The following AFAP1 variants were observed in gnomAD, a reference collection of about 807,000 sequenced individuals.
AFAP1 encodes actin filament-associated protein 1.
Under a neutral mutation model 93.9 loss-of-function variants are expected in AFAP1, and 75 were observed. The ratio of observed to expected loss-of-function variants is 0.80; its 90% confidence interval spans 0.66 to 0.97. The LOEUF (loss-of-function observed/expected upper bound fraction) is 0.97, where lower values mean the gene tolerates loss of function less well. Among genes scored for constraint, AFAP1 ranks in the 50% least tolerant of loss-of-function variants. AFAP1 has a pLI of 0.00. For synonymous variants in AFAP1, 517 were observed against 430.7 expected (o/e 1.20, Z -2.48); for missense variants, 1,201 against 1,050.8 (o/e 1.14, Z -1.98).
At chr4:7,795,111 T>G (rs1222499157) in intron 10 of AFAP1, among the ~76,000 whole-genome samples, 1 of 152,206 alleles carries the variant, frequency 6.6e-6, no homozygotes, top group Non-Finnish European at 1.5e-5. Context: ...TTGTAAATAT[T>G]CCATGCAATG....
chr4:7,899,230 C>A (rs534732955), intron 1 of AFAP1, among the ~76,000 whole-genome samples: 1 of 151,988 alleles, frequency 6.6e-6, no homozygotes, highest in Non-Finnish European at 1.5e-5. Flanking sequence ...CACCTATAGG[C>A]GCCCCCACTG....
At chr4:7,846,353 A>G (rs1263574569) in intron 4 of AFAP1, among the ~76,000 whole-genome samples, 2 of 152,230 alleles carry the variant, frequency 1.3e-5, no homozygotes, top group Non-Finnish European at 2.9e-5. Flanking sequence ...GGCTAGAACA[A>G]GGGTATGTGG....
intron 14 of AFAP1, chr4:7,777,594 G>C (rs959290088): frequency 2.0e-5 from 3 of 152,186 alleles, no homozygotes; most frequent in African/African-American, 7.2e-5. Context: ...TTACCACCTG[G>C]GGCTAGCTGG....
chr4:7,920,993 T>A (rs1227175873), intron 1 of AFAP1, among the ~76,000 whole-genome samples: 1 of 151,512 alleles, frequency 6.6e-6, no homozygotes, highest in Non-Finnish European at 1.5e-5. Context: ...TAGGTATACC[T>A]ATATATCCAT....
chr4:7,780,002 T>C (rs147748417), intron 13 of AFAP1, among the ~76,000 whole-genome samples: 1 of 152,312 alleles, frequency 6.6e-6, no homozygotes, highest in East Asian at 1.9e-4. Context: ...ATCAAATGAT[T>C]CCCAACCAAT....
At chr4:7,855,327 A>G (rs1188061998) in intron 4 of AFAP1, 139 bp downstream of exon 4, 3 of 638,584 alleles carry the variant, frequency 4.7e-6, no homozygotes, top group South Asian at 4.1e-5. Flanking sequence ...TGTACTGACA[A>G]TCTCTTTGGG....
At chr4:7,930,366 GCCA>G (rs1720997208) in intron 1 of AFAP1, among the ~76,000 whole-genome samples, 1 of 2,388 alleles carries the variant, frequency 4.2e-4, no homozygotes, top group Admixed American at 7.4e-3. Flanking sequence ...TAAGTCATTG[GCCA>G]CCGGTGGCTA....
At chr4:7,824,421 G>A (rs1372211532) in intron 6 of AFAP1, among the ~76,000 whole-genome samples, 1 of 91,520 alleles carries the variant, frequency 1.1e-5, no homozygotes, top group Non-Finnish European at 2.2e-5. Flanking sequence ...TTCAGCATTT[G>A]TGTACACACA....
intron 6 of AFAP1, among the ~76,000 whole-genome samples, chr4:7,826,604 GAGATCTTC>G (rs1183809598): frequency 1.3e-5 from 2 of 152,252 alleles, no homozygotes; most frequent in Non-Finnish European, 1.5e-5. Context: ...GCACACAAAA[GAGATCTTC>G]AGATTTTCAC....
chr4:7,917,930 G>A lies in AFAP1; in HGVS notation c.-3+21726C>T, dbSNP rs191954463. On this transcript the variant is annotated intron_variant, in intron 1 of 17. Transcript: ENST00000420658. ...AGACCAGGGCAGTGATGCCCACTCC[G>A]ACTGTCATTCTACTTATAAAGCAAA... Among the ~76,000 whole-genome samples the A allele has an allele frequency of 3.9e-5, 6 of 152,312 alleles. No homozygotes were observed. The East Asian group carries it at 9.6e-4, about 24-fold the overall frequency.
chr4:7,838,425 C>T (rs1577274954), intron 6 of AFAP1, 99 bp downstream of exon 6: 2 of 1,371,684 alleles, frequency 1.5e-6, no homozygotes, highest in South Asian at 1.6e-5. Flanking sequence ...ATCCATCTTG[C>T]CTATGCTTGA....
chr4:7,798,173 T>A (rs1414348543), intron 10 of AFAP1, among the ~76,000 whole-genome samples: 1 of 107,476 alleles, frequency 9.3e-6, no homozygotes, highest in Non-Finnish European at 2.0e-5. Flanking sequence ...CTCTACTGGC[T>A]GGCTCACGGC....
intron 1 of AFAP1, among the ~76,000 whole-genome samples, chr4:7,938,676 G>A (rs1181172029): frequency 1.3e-5 from 2 of 152,140 alleles, no homozygotes; most frequent in African/African-American, 2.4e-5. Context: ...AAATTCTTGG[G>A]AGAGTTTCTT....
chr4:7,868,701 T>C lies in AFAP1; in HGVS notation c.146A>G (p.His49Arg). 6.2e-7 allele frequency: 1 copy of C among 1,613,538 alleles called. No individual in the cohort carries two copies. Among genetic ancestry groups the C allele is most frequent in the African/African-American group, 1.3e-5 (1 of 75,062 alleles). ...QSSKGFDVKD[H>R]AQKQETANSL... is the part of the protein sequence containing the mutation. ...GTTAGCGGTCTCCTGCTTCTGAGCA[T>C]GGTCCTTCACATCAAAACCTGTAAG... The change falls in exon 3 of 18, where the codon CAT becomes CGT. Residue 49 changes from histidine (H) to arginine (R), a missense_variant. Transcript: ENST00000420658.
chr4:7,904,551 T>C (rs148139224), intron 1 of AFAP1, among the ~76,000 whole-genome samples: 175 of 152,304 alleles, frequency 1.1e-3, no homozygotes, highest in African/African-American at 3.9e-3. Context: ...TGAAATCCTG[T>C]AAGATCAGTA....
chr4:7,834,157 T>C (rs902461838), intron 6 of AFAP1, among the ~76,000 whole-genome samples: 5 of 136,906 alleles, frequency 3.7e-5, no homozygotes, highest in African/African-American at 1.5e-4. Flanking sequence ...TACTCAGCCA[T>C]AAAAAGGAAT....
At chr4:7,777,670 T>G (rs1716286988) in intron 14 of AFAP1, 1 of 152,152 alleles carries the variant, frequency 6.6e-6, no homozygotes, top group African/African-American at 2.4e-5. Context: ...AAATCTCAGG[T>G]GCAAATCCCA....
intron 11 of AFAP1, among the ~76,000 whole-genome samples, chr4:7,792,797 AT>A (rs55950302): frequency 0.11 from 17,023 of 152,098 alleles, 1,140 homozygotes; most frequent in East Asian, 0.22. Context: ...AAAAGTCATC[AT>A]TTTTACTGCT....
In AFAP1 at chr4:7,928,397, G is replaced by GT. The variant is rs113373533; in HGVS notation, c.-3+11258dup. 3.4e-3 allele frequency among the ~76,000 whole-genome samples: 514 copies of GT among 151,740 alleles called. 4 individuals are homozygous for GT. Among genetic ancestry groups the GT allele is most frequent in the African/African-American group, 0.012 (484 of 41,398 alleles). On this transcript the variant is annotated intron_variant, in intron 1 of 17. Transcript: ENST00000420658. ...TACTTTACTAGGTTTTGTTTTTTTGGTTTTTTTTGAGACAGTCTCTCTCTC... is the reference window on the plus strand; with the variant it reads ...TACTTTACTAGGTTTTGTTTTTTTGGTTTTTTTTTGAGACAGTCTCTCTCTC...
Sources: gnomAD v4.1 joint callset for allele counts (sites outside exome capture counted in the v4.1 genomes callset) on GRCh38, gnomAD v4.1.1 for gene constraint, MANE v1.5 for transcripts, NCBI Gene and HGNC (gene_info 2026-07-23, HGNC 2026-07-21) for gene names.